The following PRMT7 variants were observed in gnomAD, a reference collection of about 807,000 sequenced individuals.
The protein encoded by PRMT7 is protein arginine methyltransferase 7.
Under a neutral mutation model 85.4 loss-of-function variants are expected in PRMT7, and 75 were observed. The observed-to-expected ratio is 0.88, with a 90% CI of 0.73 to 1.06. PRMT7 has a LOEUF of 1.06. Ranked by LOEUF, PRMT7 falls within the 50% of genes least tolerant of loss-of-function variation. PRMT7 has a pLI of 0.00. For synonymous variants in PRMT7, 397 were observed against 359.5 expected (o/e 1.10, Z -1.18); for missense variants, 868 against 915.2 (o/e 0.95, Z 0.67).
Position 68,339,358 on chromosome 16 carries a change from T to G in PRMT7, c.541T>G (p.Tyr181Asp), listed in dbSNP as rs2085178822. 4 of 1,614,224 alleles carry G rather than the reference T, an allele frequency of 2.5e-6. No homozygotes were observed. The highest frequency in any genetic ancestry group is 3.4e-6 in the Non-Finnish European group (4 of 1,180,044). ...GGCCGTGCCCCACAGAGCCACCGTC[T>G]ATGCACAGCTGGTGGAGTCCGGGAG... is the stretch of plus-strand genomic sequence containing the variant. ...CEAVPHRATV[Y>D]AQLVESGRMW... Residue 181 changes from tyrosine to aspartate, a missense_variant, in exon 8 of 19, where the codon TAT becomes GAT. By Grantham distance (160) the Tyr-to-Asp change is radical (BLOSUM62 -3). Coordinates refer to ENST00000441236, the MANE Select transcript of PRMT7 (RefSeq NM_019023.5).
chr16:68,353,052 C>T (rs533766607), intron 15 of PRMT7, among the ~76,000 whole-genome samples: 4 of 152,226 alleles, frequency 2.6e-5, no homozygotes, highest in East Asian at 1.9e-4. Flanking sequence ...ACGATCCATG[C>T]GTGCGTGTGA....
Position 68,347,214 on chromosome 16 carries a change from C to CCTGT in PRMT7, c.1195_1196insCTGT (p.Leu399ProfsTer49), listed in dbSNP as rs2086549542. ...TGAGCTTGCCTGTTCCCCGCAGGTG[C>CCTGT]TGAAGCCAGACAGCGTGTGCCTGTG... On this transcript the variant is annotated frameshift_variant, in exon 12 of 19. Coordinates refer to ENST00000441236, the MANE Select transcript of PRMT7 (RefSeq NM_019023.5). LOFTEE classifies it high-confidence loss of function. 1.0e-5 allele frequency: 16 copies of CCTGT among 1,552,424 alleles called. No individual in the cohort carries two copies. Among genetic ancestry groups the CCTGT allele is most frequent in the Non-Finnish European group, 1.3e-5 (15 of 1,147,216 alleles).
Position 68,358,105 on chromosome 16 carries a change from G to C in PRMT7, c.*881G>C, listed in dbSNP as rs997833007. ...TCTCAGAGGTAACAGCAGACACCAC[G>C]TGAGAGAACCCAGTGGCCTCTGGCT... On this transcript the variant is annotated 3_prime_UTR_variant, in exon 19 of 19. Transcript: ENST00000441236. 1 of 152,272 alleles carries C rather than the reference G, an allele frequency of 6.6e-6. No individual in the cohort carries two copies. Among genetic ancestry groups the C allele is most frequent in the African/African-American group, 2.4e-5 (1 of 41,450 alleles). 9.4% of individuals were successfully genotyped at this position (152,272 alleles called of 1,614,324 possible). A position where few individuals can be genotyped will look rare whatever the true frequency, so the allele number is the denominator to read the frequency against.
At chr16:68,320,864 G>A (rs1281433801) in intron 3 of PRMT7, among the ~76,000 whole-genome samples, 2 of 152,186 alleles carry the variant, frequency 1.3e-5, no homozygotes, top group Non-Finnish European at 2.9e-5. Context: ...GCTGAGGCAA[G>A]AGGATCTCTT....
rs543883270 is a variant in PRMT7 at position 68,346,407 on chromosome 16, C to T, written c.1191+127C>T. The stretch of plus-strand genomic sequence containing the variant: ...TCCTCTTGTCTATGAGTGGCTTCAG[C>T]GAGCGCCTCCTGGGTGGGCACTGGA... On this transcript the variant is annotated intron_variant, in intron 11 of 18. Coordinates refer to ENST00000441236, the MANE Select transcript of PRMT7 (RefSeq NM_019023.5). The T allele has an allele frequency of 1.2e-4, 165 of 1,344,360 alleles. 1 individual carries two copies. The South Asian group carries it at 1.7e-3, about 14-fold the overall frequency. 83.3% of individuals were successfully genotyped at this position (1,344,360 alleles called of 1,614,324 possible).
chr16:68,356,059 G>A (rs1040987919), intron 17 of PRMT7, among the ~76,000 whole-genome samples, 176 bp downstream of exon 17: 4 of 152,212 alleles, frequency 2.6e-5, no homozygotes, highest in South Asian at 2.1e-4. Flanking sequence ...TGGTTCCCAC[G>A]GTCCTGTGTG....
intron 14 of PRMT7, 42 bp downstream of exon 14, chr16:68,348,473 G>A (rs1053844884): frequency 6.6e-7 from 1 of 1,519,532 alleles, no homozygotes; most frequent in African/African-American, 1.4e-5. Context: ...GCTGTGTTAG[G>A]GTGGTCAGCA....
At chr16:68,360,205 A>G (rs2089168064), downstream of PRMT7, 1 of 152,576 alleles carries the variant, frequency 6.6e-6, no homozygotes. Context: ...ATTGGTCCCG[A>G]ACCAGAGAGG....
At chr16:68,337,149 A>C (rs919152444) in intron 6 of PRMT7, among the ~76,000 whole-genome samples, 1 of 152,162 alleles carries the variant, frequency 6.6e-6, no homozygotes, top group Non-Finnish European at 1.5e-5. Flanking sequence ...TAGTTTTCTT[A>C]TCATTTTTTG....
In PRMT7 at chr16:68,337,581, G is replaced by A. The variant is rs757345925; in HGVS notation, c.504+10G>A. ...CAGGCATCTCGTGGAGGTAGTAGAC[G>A]GAGGGCTCCCTCAGACGTGTCTGTG... On this transcript the variant is annotated intron_variant, in intron 7 of 18. Transcript: ENST00000441236. 1.2e-5 allele frequency: 19 copies of A among 1,582,228 alleles called. No homozygotes were observed. Among genetic ancestry groups the A allele is most frequent in the African/African-American group, 4.1e-5 (3 of 74,008 alleles).
At chr16:68,312,411 A>T (rs2043994977) in intron 2 of PRMT7, among the ~76,000 whole-genome samples, 2 of 151,782 alleles carry the variant, frequency 1.3e-5, no homozygotes, top group Middle Eastern at 3.4e-3. Flanking sequence ...TTTTTTAAAA[A>T]TTTTTTGTAG....
At chr16:68,334,396 C>G (rs548570126) in intron 6 of PRMT7, among the ~76,000 whole-genome samples, 53 of 152,346 alleles carry the variant, frequency 3.5e-4, no homozygotes, top group South Asian at 1.4e-3. Flanking sequence ...TCTCTAACCA[C>G]TGCCGCTTTG....
intron 6 of PRMT7, among the ~76,000 whole-genome samples, chr16:68,330,855 A>G (rs888431488): frequency 5.9e-5 from 9 of 152,198 alleles, no homozygotes; most frequent in African/African-American, 1.9e-4. Context: ...TCGGCCTCCG[A>G]AAGTGCTGGG....
intron 5 of PRMT7, among the ~76,000 whole-genome samples, chr16:68,325,577 G>T (rs190159477): frequency 2.6e-5 from 4 of 152,044 alleles, no homozygotes; most frequent in Admixed American, 2.6e-4. Context: ...TGGATCATGA[G>T]GTCAGGAGTT....
At chr16:68,353,662 T>TG (rs1243888625) in intron 16 of PRMT7, 96 bp downstream of exon 16, 3 of 1,215,836 alleles carry the variant, frequency 2.5e-6, no homozygotes, top group Non-Finnish European at 3.4e-6. Context: ...GCTCTTCTGT[T>TG]GGGGGCAGTG....
intron 9 of PRMT7, among the ~76,000 whole-genome samples, chr16:68,344,274 C>G (rs974631528): frequency 2.0e-5 from 3 of 152,224 alleles, no homozygotes; most frequent in African/African-American, 7.2e-5. Flanking sequence ...CAGCTGGCAT[C>G]TACTTTTTAG....
intron 11 of PRMT7, 96 bp downstream of exon 11, chr16:68,346,376 C>G (rs1441362209): frequency 1.9e-6 from 3 of 1,559,304 alleles, no homozygotes; most frequent in South Asian, 2.3e-5. Context: ...CTGTTTCTTT[C>G]CTGTGTCCTC....
At chr16:68,337,703 T>TGG (rs3833061) in intron 7 of PRMT7, 132 bp downstream of exon 7, 180 of 431,220 alleles carry the variant, frequency 4.2e-4, no homozygotes, top group East Asian at 1.5e-3. Context: ...CCTCCATTCC[T>TGG]GGGGGGGCTC....
intron 6 of PRMT7, among the ~76,000 whole-genome samples, chr16:68,330,687 C>T (rs1191358030): frequency 1.3e-5 from 2 of 152,042 alleles, no homozygotes; most frequent in African/African-American, 4.8e-5. Flanking sequence ...CTCTGCCTCC[C>T]ATGTTCAAGC....
Sources: gnomAD v4.1 joint callset for allele counts (sites outside exome capture counted in the v4.1 genomes callset) on GRCh38, gnomAD v4.1.1 for gene constraint, MANE v1.5 for transcripts, NCBI Gene and HGNC (gene_info 2026-07-23, HGNC 2026-07-21) for gene names.